Variants in PCLO observed in about 807,000 individuals in gnomAD.
PCLO encodes piccolo presynaptic cytomatrix protein.
PCLO carries 82 observed loss-of-function variants against 427.5 expected under a neutral mutation model. The observed-to-expected ratio is 0.19, with a 90% confidence interval of 0.16 to 0.23. PCLO has a LOEUF of 0.23. PCLO is among the 10% of genes least tolerant of loss of function. The pLI is 1.00. For synonymous variants in PCLO, 2,357 were observed against 2,155.4 expected (o/e 1.09, Z -2.59); for missense variants, 6,239 against 6,115.9 (o/e 1.02, Z -0.67).
intron 3 of PCLO, among the ~76,000 whole-genome samples, chr7:83,019,148 A>C (rs1788280418): frequency 6.6e-6 from 1 of 152,014 alleles, no homozygotes; most frequent in Admixed American, 6.6e-5. Flanking sequence ...GTGAATGAAA[A>C]TGTCAATGTA....
chr7:83,066,868 C>T (rs1182574685), intron 3 of PCLO, among the ~76,000 whole-genome samples: 1 of 152,152 alleles, frequency 6.6e-6, no homozygotes, highest in African/African-American at 2.4e-5. Context: ...TCTGTACCTA[C>T]ATTTTCTGTA....
Position 82,756,844 on chromosome 7 carries a change from A to T in PCLO, c.*1731T>A, listed in dbSNP as rs1271312391. Reference sequence around the variant, plus strand: ...AATTTGCATTTTCATGTAATTCTTCACCTTTAGTCAGGTTAAAGTTTATAT... The same window carrying T: ...AATTTGCATTTTCATGTAATTCTTCTCCTTTAGTCAGGTTAAAGTTTATAT... On this transcript the variant is annotated 3_prime_UTR_variant, in exon 25 of 25. Coordinates refer to ENST00000333891, the MANE Select transcript of PCLO (RefSeq NM_033026.6). 1 of 152,026 alleles carries T rather than the reference A, an allele frequency of 6.6e-6. No homozygotes were observed. The highest frequency in any genetic ancestry group is 2.4e-5 in the African/African-American group (1 of 41,406). The allele number at this position is 152,026 out of a possible 1,614,324, so 9.4% of individuals were successfully genotyped here. A position where few individuals can be genotyped will look rare whatever the true frequency, so the allele number is the denominator to read the frequency against.
intron 2 of PCLO, among the ~76,000 whole-genome samples, chr7:83,142,829 T>C (rs1012114950): frequency 6.6e-6 from 1 of 152,044 alleles, no homozygotes; most frequent in African/African-American, 2.4e-5. Context: ...CATGCTGGCA[T>C]GTGCCTGTAA....
At position 82,757,017 on chromosome 7, in the gene PCLO, T is replaced by C. The variant is rs1178202852; in HGVS notation, c.*1558A>G. The stretch of plus-strand genomic sequence containing the variant: ...TTCCTCACTTCTGTGTATAAAACTA[T>C]ATTTGGAAATGTGCTTTCATCTTTC... On this transcript the variant is annotated 3_prime_UTR_variant, in exon 25 of 25. Coordinates refer to ENST00000333891, the MANE Select transcript of PCLO (RefSeq NM_033026.6). 1 of 152,124 alleles carries C rather than the reference T, an allele frequency of 6.6e-6. No homozygotes were observed. Among genetic ancestry groups the C allele is most frequent in the African/African-American group, 2.4e-5 (1 of 41,442 alleles). 9.4% of individuals were successfully genotyped at this position (152,124 alleles called of 1,614,324 possible). A position where few individuals can be genotyped will look rare whatever the true frequency, so the allele number is the denominator to read the frequency against.
chr7:82,930,685 T>C (rs1794820379), intron 6 of PCLO, among the ~76,000 whole-genome samples: 1 of 152,184 alleles, frequency 6.6e-6, no homozygotes, highest in Admixed American at 6.6e-5. Flanking sequence ...TGACTCCTTA[T>C]GTAATTTGTT....
rs1239340751 is a variant in PCLO, at chr7:83,155,891, T to C, written c.750A>G (p.Gln250=). The change falls in exon 2 of 25, where the codon CAA becomes CAG. Residue 250 remains glutamine (Q), a synonymous_variant. Transcript: ENST00000333891. The stretch of plus-strand genomic sequence containing the variant: ...GAATTGGCTTTCCTGTACCTGGAGG[T>C]TGTGATTTAATTTTTTCTGGTTGTT... ...SSQQPEKIKS[Q]PPGTGKPIQG... is the part of the protein sequence containing the mutation. 2.5e-6 allele frequency: 4 copies of C among 1,613,660 alleles called. No homozygotes were observed. The highest frequency in any genetic ancestry group is 2.5e-6 in the Non-Finnish European group (3 of 1,179,848).
At position 82,956,933 on chromosome 7, in the gene PCLO, T is replaced by C. The variant is rs777260418; in HGVS notation, c.4020A>G (p.Glu1340=). The change falls in exon 5 of 25, where the codon GAA becomes GAG. Residue 1340 remains glutamate (E), a splice_region_variant and synonymous_variant. Coordinates refer to ENST00000333891, the MANE Select transcript of PCLO (RefSeq NM_033026.6). ...DQVEPGKEKT[E]KEDDKSDTSS... is the part of the protein sequence containing the mutation. ...AGGTGTCTGATTTGTCATCTTCCTT[T>C]TCCTAAGCAGGGAGATAAAGATACA... 12 of 1,590,622 alleles carry C rather than the reference T, an allele frequency of 7.5e-6. No homozygotes were observed. In the South Asian group the frequency reaches 1.3e-4, roughly 17 times the overall value.
chr7:82,807,824 T>C (rs1791485864), intron 20 of PCLO, among the ~76,000 whole-genome samples: 1 of 152,018 alleles, frequency 6.6e-6, no homozygotes. Flanking sequence ...ATTGACTAAT[T>C]GAACTGAATG....
chr7:82,845,752 A>G (rs562169307), intron 12 of PCLO, among the ~76,000 whole-genome samples: 1 of 152,296 alleles, frequency 6.6e-6, no homozygotes, highest in East Asian at 1.9e-4. Context: ...TATTTTACAT[A>G]AAGAATTGTT....
At chr7:83,154,636 G>T in intron 2 of PCLO, 112 bp downstream of exon 2, 1 of 811,916 alleles carries the variant, frequency 1.2e-6, no homozygotes, top group Non-Finnish European at 1.9e-6. Context: ...AAGGAGGGGA[G>T]AATCCAGAGA....
At chr7:83,128,506 T>C (rs776437113) in intron 3 of PCLO, among the ~76,000 whole-genome samples, 1 of 152,116 alleles carries the variant, frequency 6.6e-6, no homozygotes, top group Non-Finnish European at 1.5e-5. Flanking sequence ...GTAGCATACA[T>C]GCAAACTTCG....
intron 1 of PCLO, among the ~76,000 whole-genome samples, chr7:83,160,409 T>A (rs1185753156): frequency 6.6e-6 from 1 of 152,134 alleles, no homozygotes; most frequent in Admixed American, 6.6e-5. Flanking sequence ...CATAACTCTA[T>A]AACTTTAAAA....
chr7:82,914,795 T>A lies in PCLO; in HGVS notation c.13191A>T (p.Ser4397=). 2 of 1,613,402 alleles carry A rather than the reference T, an allele frequency of 1.2e-6. No homozygotes were observed. Among genetic ancestry groups the A allele is most frequent in the African/African-American group, 2.7e-5 (2 of 75,004 alleles). The stretch of plus-strand genomic sequence containing the variant: ...TCATGTGTTGCTGAACTTCAGGCAA[T>A]GAGTGGCTTGATCCAAACTGATCCC... ...DTRDQFGSSH[S]LPEVQQHMRE... Residue 4397 remains serine (S), a synonymous_variant, in exon 7 of 25, where the codon TCA becomes TCT. Coordinates refer to ENST00000333891, the MANE Select transcript of PCLO (RefSeq NM_033026.6).
intron 9 of PCLO, among the ~76,000 whole-genome samples, chr7:82,886,908 T>C (rs980161120): frequency 1.3e-5 from 2 of 152,240 alleles, no homozygotes; most frequent in Non-Finnish European, 2.9e-5. Flanking sequence ...TGTATTGATC[T>C]TTTGTCAAAA....
At position 82,951,232 on chromosome 7, in the gene PCLO, G is replaced by T; in HGVS notation, c.9356C>A (p.Ser3119Tyr). 6.2e-7 allele frequency: 1 copy of T among 1,613,620 alleles called. No homozygotes were observed. The highest frequency in any genetic ancestry group is 8.5e-7 in the Non-Finnish European group (1 of 1,179,736). ...SIFSTTVRDL[S>Y]GIHTADAVTS... ...CACTGCATCAGCCGTATGAATACCAGACAAATCCCTCACTGTGGTGCTGAA... is the reference window on the plus strand; with the variant it reads ...CACTGCATCAGCCGTATGAATACCATACAAATCCCTCACTGTGGTGCTGAA... The change falls in exon 6 of 25, where the codon TCT (serine) becomes TAT (tyrosine). Residue 3119 changes from serine (S) to tyrosine (Y), a missense_variant. Physicochemically the swap from Ser to Tyr is moderately radical, Grantham distance 144. Transcript: ENST00000333891.
chr7:82,982,953 T>C (rs1344465146), intron 3 of PCLO, among the ~76,000 whole-genome samples: 1 of 151,744 alleles, frequency 6.6e-6, no homozygotes, highest in Non-Finnish European at 1.5e-5. Flanking sequence ...TTTTTATCTA[T>C]ATTTTAATTT....
At chr7:82,784,231 A>G (rs1790935846) in intron 22 of PCLO, among the ~76,000 whole-genome samples, 1 of 152,122 alleles carries the variant, frequency 6.6e-6, no homozygotes, top group Admixed American at 6.5e-5. Context: ...GCAGTGTTCA[A>G]CAAGGCTTCT....
At chr7:83,160,147 A>G (rs1792396986) in intron 1 of PCLO, among the ~76,000 whole-genome samples, 1 of 152,162 alleles carries the variant, frequency 6.6e-6, no homozygotes, top group African/African-American at 2.4e-5. Flanking sequence ...AAAAACATTC[A>G]TCTCAACTTT....
At chr7:83,096,932 TA>T (rs1316442592) in intron 3 of PCLO, among the ~76,000 whole-genome samples, 1 of 64,746 alleles carries the variant, frequency 1.5e-5, no homozygotes, top group Non-Finnish European at 2.6e-5. Context: ...TAATATAATA[TA>T]ATATATTATA....
Sources: gnomAD v4.1 joint callset for allele counts (sites outside exome capture counted in the v4.1 genomes callset) on GRCh38, gnomAD v4.1.1 for gene constraint, MANE v1.5 for transcripts, NCBI Gene and HGNC (gene_info 2026-07-23, HGNC 2026-07-21) for gene names.